Variants in TENM3 observed in about 807,000 individuals in gnomAD.
The protein encoded by TENM3 is teneurin-3.
In TENM3, 63 loss-of-function variants were observed where a neutral mutation model predicts 255.1. The observed-to-expected ratio is 0.25, with a 90% CI of 0.20 to 0.30. TENM3 has a LOEUF of 0.30. TENM3 is among the 10% of genes least tolerant of loss of function. The probability of loss-of-function intolerance (pLI) is 1.00; values close to 1 mark genes in which losing one functional copy is unlikely to be tolerated. For missense variants in TENM3, 2,929 were observed against 3,461.1 expected, an observed-to-expected ratio of 0.85 and a Z score of 3.86; for synonymous variants, 1,306 against 1,322.3, an observed-to-expected ratio of 0.99 and a Z score of 0.27.
chr4:182,084,056 A>AT, the TENM3 span, among the ~76,000 whole-genome samples: 1 of 151,982 alleles, frequency 6.6e-6, no homozygotes, highest in African/African-American at 2.4e-5. Flanking sequence ...AAATTCTGCC[A>AT]TTTTTTTTCT....
At chr4:182,603,351 TA>T (rs1291290438) in intron 4 of TENM3, among the ~76,000 whole-genome samples, 3 of 152,178 alleles carry the variant, frequency 2.0e-5, no homozygotes, top group Non-Finnish European at 2.9e-5. Context: ...ATCTCACTAA[TA>T]AATATACAGA....
chr4:182,358,888 G>A (rs1056304390), intron 3 of TENM3, among the ~76,000 whole-genome samples: 6 of 151,586 alleles, frequency 4.0e-5, no homozygotes, highest in Non-Finnish European at 5.9e-5. Flanking sequence ...TTTGAGATAC[G>A]TCCCATCAAT....
chr4:181,576,500 G>A, the TENM3 span, among the ~76,000 whole-genome samples: 8 of 152,204 alleles, frequency 5.3e-5, no homozygotes, highest in South Asian at 2.1e-4. Flanking sequence ...AAACCTCCAC[G>A]CTGTGCTCCA....
chr4:181,674,962 T>A, the TENM3 span, among the ~76,000 whole-genome samples: 1 of 152,116 alleles, frequency 6.6e-6, no homozygotes, highest in Admixed American at 6.6e-5. Flanking sequence ...CACTGTCCCA[T>A]AAATCATTCC....
chr4:182,795,921 C>G (rs1346115983), intron 26 of TENM3, among the ~76,000 whole-genome samples: 1 of 152,194 alleles, frequency 6.6e-6, no homozygotes, highest in Non-Finnish European at 1.5e-5. Context: ...ACATTATAAC[C>G]TCCAGAATAG....
At chr4:182,421,239 C>T (rs973875396) in intron 3 of TENM3, among the ~76,000 whole-genome samples, 4 of 152,110 alleles carry the variant, frequency 2.6e-5, no homozygotes, top group Non-Finnish European at 5.9e-5. Flanking sequence ...ATTATCTCAC[C>T]TTCTTCTCAT....
the TENM3 span, among the ~76,000 whole-genome samples, chr4:182,030,072 T>TGTG: frequency 1.3e-5 from 2 of 150,534 alleles, no homozygotes; most frequent in South Asian, 2.1e-4. Flanking sequence ...TTGTTGTTGT[T>TGTG]GTTGTTGTAT....
At chr4:182,417,012 C>T (rs1343596810) in intron 3 of TENM3, among the ~76,000 whole-genome samples, 2 of 152,114 alleles carry the variant, frequency 1.3e-5, no homozygotes, top group Non-Finnish European at 2.9e-5. Context: ...CTCCCTCTGT[C>T]GCCCAGGCTG....
intron 3 of TENM3, among the ~76,000 whole-genome samples, chr4:182,453,813 A>T (rs538210386): frequency 6.6e-6 from 1 of 152,260 alleles, no homozygotes; most frequent in Non-Finnish European, 1.5e-5. Flanking sequence ...AACAAGTTTA[A>T]CATTGTTAAC....
the TENM3 span, among the ~76,000 whole-genome samples, chr4:181,536,797 G>A: frequency 6.6e-6 from 1 of 152,174 alleles, no homozygotes; most frequent in Admixed American, 6.5e-5. Flanking sequence ...GCATAGCTTT[G>A]CATGGTAGGC....
chr4:181,707,515 C>T, the TENM3 span, among the ~76,000 whole-genome samples: 6 of 152,116 alleles, frequency 3.9e-5, no homozygotes, highest in African/African-American at 1.4e-4. Context: ...GTCTTCTTAT[C>T]GAAAATGGGA....
At position 182,331,577 on chromosome 4, in the gene TENM3, T is replaced by C. The variant is rs369271683; in HGVS notation, c.232+7325T>C. Among the ~76,000 whole-genome samples the C allele has an allele frequency of 1.1e-4, 17 of 152,280 alleles. No individual in the cohort carries two copies. In the East Asian group the frequency reaches 2.9e-3, roughly 26 times the overall value. On this transcript the variant is annotated intron_variant, in intron 2 of 27. Transcript: ENST00000511685. ...ATAAAATAAATACATGTACTGCATT[T>C]TGACATAAACTACTCAATTGTTTCA...
chr4:182,055,371 A>G, the TENM3 span, among the ~76,000 whole-genome samples: 1 of 151,928 alleles, frequency 6.6e-6, no homozygotes, highest in African/African-American at 2.4e-5. Context: ...AAATAAATAA[A>G]TAAATAGACC....
intron 1 of TENM3, among the ~76,000 whole-genome samples, chr4:182,187,624 A>G (rs1753249501): frequency 6.6e-6 from 1 of 152,118 alleles, no homozygotes; most frequent in African/African-American, 2.4e-5. Context: ...ACCAGAAGCC[A>G]TAAAAGGAAA....
chr4:182,689,346 C>T (rs1756836466), intron 12 of TENM3, among the ~76,000 whole-genome samples: 1 of 152,054 alleles, frequency 6.6e-6, no homozygotes, highest in African/African-American at 2.4e-5. Flanking sequence ...CGCTTTTTTG[C>T]TCACAGGATT....
the TENM3 span, among the ~76,000 whole-genome samples, chr4:182,058,341 C>G: frequency 6.6e-6 from 1 of 151,940 alleles, no homozygotes; most frequent in Non-Finnish European, 1.5e-5. Context: ...TCTCTGGTGG[C>G]ATAAAGAGTA....
At chr4:181,564,944 A>G in the TENM3 span, among the ~76,000 whole-genome samples, 2,936 of 152,278 alleles carry the variant, frequency 0.019, 89 homozygotes, top group African/African-American at 0.065. Flanking sequence ...TGAAGGAGCC[A>G]GCATGGAATT....
At chr4:182,502,235 G>T (rs1003107767) in intron 3 of TENM3, among the ~76,000 whole-genome samples, 1 of 152,150 alleles carries the variant, frequency 6.6e-6, no homozygotes, top group East Asian at 1.9e-4. Context: ...TTAGGATGGC[G>T]ACTTTGTTCC....
the TENM3 span, among the ~76,000 whole-genome samples, chr4:182,001,155 T>C: frequency 1.3e-5 from 2 of 151,928 alleles, no homozygotes; most frequent in Non-Finnish European, 2.9e-5. Flanking sequence ...TCCTGTTATA[T>C]AACCTGTTTG....
Sources: gnomAD v4.1 joint callset for allele counts (sites outside exome capture counted in the v4.1 genomes callset) on GRCh38, gnomAD v4.1.1 for gene constraint, MANE v1.5 for transcripts, NCBI Gene and HGNC (gene_info 2026-07-23, HGNC 2026-07-21) for gene names.